ENPP6: variants seen among roughly 807,000 people sequenced by gnomAD.
ENPP6 encodes ectonucleotide pyrophosphatase/phosphodiesterase 6, also known as glycerophosphocholine cholinephosphodiesterase ENPP6.
A neutral mutation model predicts 42.0 loss-of-function variants in ENPP6; 32 were observed. The observed-to-expected ratio is 0.76, with a 90% CI of 0.58 to 1.02. ENPP6 has a LOEUF of 1.02. Ranked by LOEUF, ENPP6 falls within the 50% of genes least tolerant of loss-of-function variation. The pLI is 0.00. For synonymous variants in ENPP6, 213 were observed against 216.0 expected, an observed-to-expected ratio of 0.99 and a Z score of 0.12; for missense variants, 552 against 566.8, an observed-to-expected ratio of 0.97 and a Z score of 0.27.
intron 1 of ENPP6, among the ~76,000 whole-genome samples, chr4:184,157,443 C>T (rs1165881482): frequency 7.6e-6 from 1 of 130,776 alleles, no homozygotes. Flanking sequence ...TTCTTTCTTT[C>T]TTTTCTTTCT....
At chr4:184,129,436 C>T (rs1736559334) in intron 2 of ENPP6, among the ~76,000 whole-genome samples, 1 of 152,126 alleles carries the variant, frequency 6.6e-6, no homozygotes, top group Non-Finnish European at 1.5e-5. Context: ...AAGTACGTTT[C>T]AACTTATGGA....
At chr4:184,101,139 ATGTGTGCATGTGTGTGTGAATGTG>A (rs1335126564) in intron 6 of ENPP6, among the ~76,000 whole-genome samples, 1 of 151,484 alleles carries the variant, frequency 6.6e-6, no homozygotes, top group Non-Finnish European at 1.5e-5. Flanking sequence ...ATGTAAACAC[ATGTGTGCATGTGTGTGTGAATGTG>A]TGTGTGCATG....
chr4:184,165,429 C>G (rs544055086), intron 1 of ENPP6, among the ~76,000 whole-genome samples: 1 of 152,290 alleles, frequency 6.6e-6, no homozygotes, highest in Non-Finnish European at 1.5e-5. Flanking sequence ...CGCCCTCCCC[C>G]GCACCAGCAC....
intron 1 of ENPP6, among the ~76,000 whole-genome samples, chr4:184,209,134 G>A (rs953224301): frequency 2.6e-5 from 4 of 151,180 alleles, no homozygotes; most frequent in African/African-American, 7.3e-5. Flanking sequence ...CAAAGATGGG[G>A]AAAAAACAGA....
rs1167495647 is a variant in ENPP6 at position 184,088,806 on chromosome 4, CATTT to C, written c.*2367_*2370del. On this transcript the variant is annotated 3_prime_UTR_variant, in exon 8 of 8. Coordinates refer to ENST00000296741, the MANE Select transcript of ENPP6 (RefSeq NM_153343.4). ...ATTCCTTTTGTAACTTGTTCTCAGT[CATTT>C]ATTCAGTTGAGTAATTACACTTTGT... is the stretch of plus-strand genomic sequence containing the variant. 1.3e-5 allele frequency: 2 copies of C among 152,102 alleles called. No individual in the cohort carries two copies. Among genetic ancestry groups the C allele is most frequent in the African/African-American group, 2.4e-5 (1 of 41,432 alleles). 9.4% of individuals were successfully genotyped at this position (152,102 alleles called of 1,614,324 possible). A position where few individuals can be genotyped will look rare whatever the true frequency, so the allele number is the denominator to read the frequency against.
intron 1 of ENPP6, among the ~76,000 whole-genome samples, chr4:184,208,957 C>T (rs1302171189): frequency 3.5e-5 from 5 of 141,212 alleles, no homozygotes; most frequent in Non-Finnish European, 6.2e-5. Context: ...AACTGGGAGG[C>T]ACCCCCCAGC....
chr4:184,099,161 A>T (rs1243937537), intron 6 of ENPP6, among the ~76,000 whole-genome samples: 3 of 152,220 alleles, frequency 2.0e-5, no homozygotes, highest in African/African-American at 7.2e-5. Context: ...AACCCAGGTC[A>T]TCTATCTCCC....
At position 184,180,618 on chromosome 4, in the gene ENPP6, A is replaced by G. The variant is rs188606022; in HGVS notation, c.242-26885T>C. On this transcript the variant is annotated intron_variant, in intron 1 of 7. Transcript: ENST00000296741. ...TAGATGCAAATATCCTCAATAAAAT[A>G]CTGGCAAACTGAACTCAGCAGCACA... is the stretch of plus-strand genomic sequence containing the variant. 3.9e-5 allele frequency among the ~76,000 whole-genome samples: 6 copies of G among 152,360 alleles called. No individual in the cohort carries two copies. In the East Asian group the frequency reaches 5.8e-4, roughly 15 times the overall value.
intron 1 of ENPP6, among the ~76,000 whole-genome samples, chr4:184,194,478 C>T (rs910965822): frequency 2.0e-5 from 3 of 152,258 alleles, no homozygotes; most frequent in African/African-American, 4.8e-5. Context: ...CTACATAATT[C>T]GCAGGGCCTA....
chr4:184,149,682 A>G (rs1311346659), intron 2 of ENPP6, among the ~76,000 whole-genome samples: 1 of 152,196 alleles, frequency 6.6e-6, no homozygotes, highest in Non-Finnish European at 1.5e-5. Context: ...GCATGGTGGG[A>G]GATGTGAACT....
intron 1 of ENPP6, among the ~76,000 whole-genome samples, chr4:184,199,903 A>G (rs985962789): frequency 2.0e-5 from 3 of 152,218 alleles, no homozygotes; most frequent in African/African-American, 7.2e-5. Context: ...TCCAGCACCT[A>G]GAACACTCCC....
intron 1 of ENPP6, among the ~76,000 whole-genome samples, chr4:184,207,659 C>T (rs1430783104): frequency 6.6e-6 from 1 of 152,198 alleles, no homozygotes; most frequent in Middle Eastern, 3.2e-3. Context: ...CAGCTCAGAT[C>T]TCTCCTCTTT....
At chr4:184,128,848 A>G (rs1736548029) in intron 2 of ENPP6, among the ~76,000 whole-genome samples, 1 of 152,230 alleles carries the variant, frequency 6.6e-6, no homozygotes, top group Non-Finnish European at 1.5e-5. Flanking sequence ...AATCTCAGTA[A>G]CTTCCAAAAA....
At chr4:184,104,736 A>G (rs568916672) in intron 6 of ENPP6, among the ~76,000 whole-genome samples, 4 of 152,356 alleles carry the variant, frequency 2.6e-5, no homozygotes, top group Middle Eastern at 3.4e-3. Flanking sequence ...CAATCTGTCA[A>G]TAAGTAGTCA....
chr4:184,112,569 GA>G, intron 6 of ENPP6, 102 bp downstream of exon 6: 1 of 1,406,616 alleles, frequency 7.1e-7, no homozygotes, highest in African/African-American at 1.5e-5. Flanking sequence ...ATGCCTAAGT[GA>G]AAAAATCTTT....
chr4:184,101,442 C>T (rs1736003788), intron 6 of ENPP6, among the ~76,000 whole-genome samples: 1 of 151,704 alleles, frequency 6.6e-6, no homozygotes, highest in Non-Finnish European at 1.5e-5. Context: ...CTCCAAGGGT[C>T]CTGCAGTGAC....
intron 1 of ENPP6, among the ~76,000 whole-genome samples, chr4:184,171,619 A>C (rs993715722): frequency 6.6e-6 from 1 of 152,260 alleles, no homozygotes; most frequent in Non-Finnish European, 1.5e-5. Flanking sequence ...CACAGTTGAC[A>C]TACATTTGTC....
intron 2 of ENPP6, among the ~76,000 whole-genome samples, chr4:184,149,707 G>C (rs950355676): frequency 8.5e-5 from 13 of 152,138 alleles, no homozygotes; most frequent in African/African-American, 3.1e-4. Context: ...ACTCCAAAGA[G>C]TTTTAAGCAC....
At chr4:184,096,805 C>A (rs1025695583) in intron 7 of ENPP6, among the ~76,000 whole-genome samples, 1 of 152,040 alleles carries the variant, frequency 6.6e-6, no homozygotes, top group Non-Finnish European at 1.5e-5. Flanking sequence ...ACTAAATGAG[C>A]CTCTCTGAGG....
Sources: allele counts gnomAD v4.1 joint callset (sites outside exome capture counted in the v4.1 genomes callset), GRCh38; gene constraint gnomAD v4.1.1; transcripts MANE v1.5; gene names NCBI Gene and HGNC (gene_info 2026-07-23, HGNC 2026-07-21).